Variants in KAZN observed in about 807,000 individuals in gnomAD.
KAZN encodes kazrin, periplakin interacting protein.
A neutral mutation model predicts 87.4 loss-of-function variants in KAZN; 40 were observed. That is an observed-to-expected ratio of 0.46 (90% confidence interval 0.36 to 0.60). The LOEUF is 0.60. Among genes scored for constraint, KAZN ranks in the 20% least tolerant of loss-of-function variants. The probability of loss-of-function intolerance (pLI) is 0.00; values close to 1 mark genes in which losing one functional copy is unlikely to be tolerated. For missense variants in KAZN, 898 were observed against 1,073.9 expected (o/e 0.84, Z 2.29); for synonymous variants, 466 against 458.3 (o/e 1.02, Z -0.22).
chr1:14,235,259 A>G (rs1012441301), intron 2 of KAZN, among the ~76,000 whole-genome samples: 3 of 152,216 alleles, frequency 2.0e-5, no homozygotes, highest in Admixed American at 1.3e-4. Flanking sequence ...ACAAAATGTG[A>G]TATAACCACA....
intron 1 of KAZN, among the ~76,000 whole-genome samples, chr1:14,176,978 T>C (rs1646091237): frequency 6.6e-6 from 1 of 151,982 alleles, no homozygotes; most frequent in Non-Finnish European, 1.5e-5. Flanking sequence ...GCCAATATGG[T>C]GAAACACCGT....
intron 1 of KAZN, among the ~76,000 whole-genome samples, chr1:14,895,769 C>T (rs1476674758): frequency 6.6e-6 from 1 of 152,222 alleles, no homozygotes; most frequent in Non-Finnish European, 1.5e-5. Context: ...CGTCCTCTCC[C>T]TGGTTCAAGC....
At chr1:14,843,035 C>G (rs150391299) in intron 1 of KAZN, among the ~76,000 whole-genome samples, 1,855 of 152,302 alleles carry the variant, frequency 0.012, 65 homozygotes, top group Admixed American at 0.079. Context: ...AACTTGAGCT[C>G]TCTTTGGCCC....
At chr1:14,518,212 G>T (rs79807175) in intron 2 of KAZN, among the ~76,000 whole-genome samples, 9,420 of 124,482 alleles carry the variant, frequency 0.076, 648 homozygotes, top group African/African-American at 0.19. Context: ...GCAGAGTCTC[G>T]CTGTGCCACC....
At chr1:14,409,986 A>G (rs951323518) in intron 2 of KAZN, among the ~76,000 whole-genome samples, 1 of 152,256 alleles carries the variant, frequency 6.6e-6, no homozygotes, top group African/African-American at 2.4e-5. Context: ...CAGATATGAA[A>G]AAACAATCAG....
At chr1:13,981,328 CAT>C (rs1638696819) in intron 1 of KAZN, among the ~76,000 whole-genome samples, 1 of 148,226 alleles carries the variant, frequency 6.7e-6, no homozygotes, top group East Asian at 1.9e-4. Context: ...TATATTTAAA[CAT>C]GATTTAAATA....
intron 1 of KAZN, among the ~76,000 whole-genome samples, chr1:13,997,688 T>C (rs1016204004): frequency 3.3e-5 from 5 of 151,702 alleles, no homozygotes; most frequent in African/African-American, 1.2e-4. Flanking sequence ...TGAAAAGGAA[T>C]TAACAAAGCC....
intron 1 of KAZN, among the ~76,000 whole-genome samples, chr1:14,950,323 G>A (rs896689788): frequency 6.6e-6 from 1 of 152,060 alleles, no homozygotes; most frequent in African/African-American, 2.4e-5. Flanking sequence ...GGGGACTGAG[G>A]GAGGGATGGG....
At chr1:14,628,086 C>T (rs117648908) in intron 1 of KAZN, among the ~76,000 whole-genome samples, 5 of 152,156 alleles carry the variant, frequency 3.3e-5, no homozygotes, top group Admixed American at 1.3e-4. Context: ...GTGTTCTCTG[C>T]GTTATTTTCT....
chr1:14,352,223 A>G (rs2100944948), intron 2 of KAZN, among the ~76,000 whole-genome samples: 1 of 152,350 alleles, frequency 6.6e-6, no homozygotes, highest in South Asian at 2.1e-4. Flanking sequence ...ATGGTTATGT[A>G]CAATTAGACA....
chr1:14,197,169 C>G (rs1191133618), intron 2 of KAZN, among the ~76,000 whole-genome samples: 3 of 151,702 alleles, frequency 2.0e-5, no homozygotes, highest in Non-Finnish European at 4.4e-5. Context: ...GATCATGGGT[C>G]CAGTAGTTAG....
intron 2 of KAZN, among the ~76,000 whole-genome samples, chr1:14,195,152 G>A (rs1242798930): frequency 6.6e-6 from 1 of 152,082 alleles, no homozygotes; most frequent in Non-Finnish European, 1.5e-5. Context: ...AATTCTATAA[G>A]CACATCTGAA....
intron 13 of KAZN, among the ~76,000 whole-genome samples, chr1:15,111,259 CTGTTGTTGTTGTTTGT>C (rs755273959): frequency 4.0e-5 from 2 of 49,920 alleles, no homozygotes; most frequent in South Asian, 4.5e-4. Flanking sequence ...CTAGAAGGTT[CTGTTGTTGTTGTTTGT>C]TGTTGTTGTT....
At chr1:15,053,632 CCAGT>C (rs1271013743) in intron 4 of KAZN, among the ~76,000 whole-genome samples, 1 of 152,196 alleles carries the variant, frequency 6.6e-6, no homozygotes, top group Non-Finnish European at 1.5e-5. Context: ...CACTGTGCTC[CCAGT>C]CAGACACCAG....
chr1:13,982,436 GC>G (rs1326980353), intron 1 of KAZN, among the ~76,000 whole-genome samples: 1 of 152,198 alleles, frequency 6.6e-6, no homozygotes, highest in Non-Finnish European at 1.5e-5. Flanking sequence ...CGACTTTCGC[GC>G]TGAGTGTTAC....
intron 2 of KAZN, among the ~76,000 whole-genome samples, chr1:14,506,286 A>C (rs1670581074): frequency 6.6e-6 from 1 of 152,186 alleles, no homozygotes; most frequent in Admixed American, 6.5e-5. Flanking sequence ...CAGCTGATAT[A>C]ACCCATTTCT....
chr1:14,219,495 T>C (rs964213062), intron 2 of KAZN, among the ~76,000 whole-genome samples: 3 of 152,166 alleles, frequency 2.0e-5, no homozygotes, highest in South Asian at 2.1e-4. Flanking sequence ...ATTTCTCCAA[T>C]AGGTTTCATG....
At chr1:14,724,887 A>G (rs1643305355) in intron 1 of KAZN, among the ~76,000 whole-genome samples, 1 of 152,200 alleles carries the variant, frequency 6.6e-6, no homozygotes, top group African/African-American at 2.4e-5. Context: ...TCCCCTGTCA[A>G]GTCGGAAAGA....
chr1:14,935,619 C>G (rs772701038), intron 1 of KAZN, among the ~76,000 whole-genome samples: 12 of 152,188 alleles, frequency 7.9e-5, no homozygotes, highest in Non-Finnish European at 1.8e-4. Context: ...CTGAAAGCAG[C>G]CACTGAGCAA....
Sources: gnomAD v4.1 joint callset for allele counts (sites outside exome capture counted in the v4.1 genomes callset) on GRCh38, gnomAD v4.1.1 for gene constraint, MANE v1.5 for transcripts, NCBI Gene and HGNC (gene_info 2026-07-23, HGNC 2026-07-21) for gene names.